The following SNX19 variants were observed in gnomAD, a reference collection of about 807,000 sequenced individuals.
SNX19 encodes the protein sorting nexin-19.
A neutral mutation model predicts 85.2 loss-of-function variants in SNX19; 60 were observed. The observed-to-expected ratio is 0.70, with a 90% CI of 0.57 to 0.87. The LOEUF (loss-of-function observed/expected upper bound fraction) is 0.87, where lower values mean the gene tolerates loss of function less well. Ranked by LOEUF, SNX19 falls within the 40% of genes least tolerant of loss-of-function variation. The pLI is 0.00. For missense variants in SNX19, 1,201 were observed against 1,217.8 expected, an observed-to-expected ratio of 0.99 and a Z score of 0.21; for synonymous variants, 520 against 470.0, an observed-to-expected ratio of 1.11 and a Z score of -1.38.
At chr11:130,879,536 T>C (rs1943503889) in intron 10 of SNX19, 88 bp downstream of exon 10, 3 of 1,127,750 alleles carry the variant, frequency 2.7e-6, no homozygotes, top group Non-Finnish European at 4.0e-6. Flanking sequence ...CTTTGGAATG[T>C]GGGCTTTTCA....
At chr11:130,909,869 G>C in intron 4 of SNX19, 149 bp downstream of exon 4, 1 of 1,056,376 alleles carries the variant, frequency 9.5e-7, no homozygotes, top group Non-Finnish European at 1.4e-6. Flanking sequence ...AACAGGTCTT[G>C]ACAATTTAAG....
chr11:130,879,742 T>A, intron 9 of SNX19, 31 bp from the exon 10 acceptor site: 1 of 1,592,840 alleles, frequency 6.3e-7, no homozygotes, highest in Non-Finnish European at 8.6e-7. Context: ...GGAATTTGCG[T>A]GTTATCACTG....
At chr11:130,903,955 T>C (rs1226103069) in intron 7 of SNX19, among the ~76,000 whole-genome samples, 3 of 152,022 alleles carry the variant, frequency 2.0e-5, no homozygotes, top group Admixed American at 6.6e-5. Context: ...TTCACTTTCC[T>C]GAAAAACCTC....
At chr11:130,892,092 C>T (rs1404084223) in intron 8 of SNX19, among the ~76,000 whole-genome samples, 1 of 151,300 alleles carries the variant, frequency 6.6e-6, no homozygotes, top group Non-Finnish European at 1.5e-5. Flanking sequence ...GATCCACCCA[C>T]CTTGGCCTCC....
Position 130,906,691 on chromosome 11 carries a change from AAT to A in SNX19, c.2194_2195del (p.Ile732PhefsTer8). On this transcript the variant is annotated frameshift_variant, in exon 6 of 11. Coordinates refer to ENST00000265909, the MANE Select transcript of SNX19 (RefSeq NM_014758.3). LOFTEE classifies it high-confidence loss of function. ...CTTCAGTCACACTTAGTGCTGGAGA[AAT>A]TTTACTGGATGAGAACCTCAGCCTA... Reference protein sequence around the residue: ...KSRLRFSSSKISPALSVTEAQ... With the variant: ...KSRLRFSSSKXSPALSVTEAQ... The A allele has an allele frequency of 6.2e-7, 1 of 1,613,046 alleles. No individual in the cohort carries two copies. Among genetic ancestry groups the A allele is most frequent in the Non-Finnish European group, 8.5e-7 (1 of 1,179,174 alleles).
rs1943146223 is a variant in SNX19 at position 130,874,481 on chromosome 11, T to G, written c.*3941A>C. Among the ~76,000 whole-genome samples, 1 of 152,204 alleles carries G rather than the reference T, an allele frequency of 6.6e-6. No homozygotes were observed. The highest frequency in any genetic ancestry group is 1.5e-5 in the Non-Finnish European group (1 of 68,038). On this transcript the variant is annotated 3_prime_UTR_variant, in exon 11 of 11. Transcript: ENST00000265909. ...AGGCAGTCTGAGAGCACAGCTGACC[T>G]AATTAGAATGGCAAGGAAGAAAGAT...
intron 8 of SNX19, chr11:130,894,692 C>T (rs1944750608): frequency 1.0e-6 from 1 of 985,422 alleles, no homozygotes; most frequent in Admixed American, 6.1e-5. Context: ...ATAAAAGCAA[C>T]ACACATTCAG....
At position 130,876,605 on chromosome 11, in the gene SNX19, T is replaced by A. The variant is rs79582957; in HGVS notation, c.*1817A>T. The A allele has an allele frequency of 1.1e-4, 1 of 8,838 alleles. No individual in the cohort carries two copies. Among genetic ancestry groups the A allele is most frequent in the Admixed American group, 8.6e-4 (1 of 1,164 alleles). The allele number at this position is 8,838 out of a possible 1,614,324, so 0.5% of individuals were successfully genotyped here. ...TGGCTAAGTACACATGAGGGGAAGG[T>A]AGGTATGGGGAGAGAAAAGTGGCAT... is the stretch of plus-strand genomic sequence containing the variant. On this transcript the variant is annotated 3_prime_UTR_variant, in exon 11 of 11. Coordinates refer to ENST00000265909, the MANE Select transcript of SNX19 (RefSeq NM_014758.3).
intron 8 of SNX19, chr11:130,893,734 G>C (rs1189057871): frequency 2.9e-6 from 2 of 691,846 alleles, no homozygotes; most frequent in African/African-American, 3.5e-5. Context: ...AAACCTGGGG[G>C]AGAGAGGAGG....
rs750093549 is a variant in SNX19 at position 130,903,304 on chromosome 11, C to T, written c.2524G>A (p.Glu842Lys). The change falls in exon 8 of 11, where the codon GAA (glutamate) becomes AAA (lysine). Residue 842 changes from glutamate (E) to lysine (K), a missense_variant. Glu to Lys is a moderately conservative substitution (Grantham distance 56). Coordinates refer to ENST00000265909, the MANE Select transcript of SNX19 (RefSeq NM_014758.3). ...AGACGAAGAAACTTTTGCATGTTTT[C>T]GGTACATAGCCATTTCCACTGTTCT... ...LTEQWKWLCT[E>K]NMQKFLRLIF... 57 of 1,613,790 alleles carry T rather than the reference C, an allele frequency of 3.5e-5. No individual in the cohort carries two copies. The highest frequency in any genetic ancestry group is 1.6e-4 in the East Asian group (7 of 44,884).
rs966369775 is a variant in SNX19, at chr11:130,877,314, T to C, written c.*1108A>G. 4 of 152,374 alleles carry C rather than the reference T, an allele frequency of 2.6e-5. No individual in the cohort carries two copies. In the South Asian group the frequency reaches 8.3e-4, roughly 32 times the overall value. The allele number at this position is 152,374 out of a possible 1,614,324, so 9.4% of individuals were successfully genotyped here. On this transcript the variant is annotated 3_prime_UTR_variant, in exon 11 of 11. Transcript: ENST00000265909. The stretch of plus-strand genomic sequence containing the variant: ...ATTCCCAGTTGCCTTGCCTTTCTAA[T>C]AGATGTTGCAGTCTGACAAAACACC...
Position 130,912,151 on chromosome 11 carries a change from T to C in SNX19, c.1675-380A>G, listed in dbSNP as rs560245519. Among the ~76,000 whole-genome samples, 79 of 152,362 alleles carry C rather than the reference T, an allele frequency of 5.2e-4. No homozygotes were observed. The South Asian group carries it at 0.016, about 31-fold the overall frequency. On this transcript the variant is annotated intron_variant, in intron 1 of 10. Coordinates refer to ENST00000265909, the MANE Select transcript of SNX19 (RefSeq NM_014758.3). ...TCATAAGGGGCAAACCATTTTTCCATTATACTCTCCCGTGATTATTTATAT... is the reference window on the plus strand; with the variant it reads ...TCATAAGGGGCAAACCATTTTTCCACTATACTCTCCCGTGATTATTTATAT...
Position 130,903,375 on chromosome 11 carries a change from GTC to G in SNX19, c.2451_2452del (p.Glu817AspfsTer5). ...ATCCAGGGCTGTGTCAGCTAACTCT[GTC>G]TCTGTTCCTGAGGGATAAAATGGCA... On this transcript the variant is annotated frameshift_variant, in exon 8 of 11. Coordinates refer to ENST00000265909, the MANE Select transcript of SNX19 (RefSeq NM_014758.3). LOFTEE classifies it high-confidence loss of function. 1 of 1,612,340 alleles carries G rather than the reference GTC, an allele frequency of 6.2e-7. No individual in the cohort carries two copies. The highest frequency in any genetic ancestry group is 8.5e-7 in the Non-Finnish European group (1 of 1,179,800).
chr11:130,903,719 AC>A (rs1945438681), intron 7 of SNX19, among the ~76,000 whole-genome samples: 1 of 37,814 alleles, frequency 2.6e-5, no homozygotes, highest in Admixed American at 3.7e-4. Context: ...ATACACATAC[AC>A]ACACACACAC....
At chr11:130,911,275 T>C (rs1173369954) in intron 2 of SNX19, among the ~76,000 whole-genome samples, 1 of 151,104 alleles carries the variant, frequency 6.6e-6, no homozygotes, top group Non-Finnish European at 1.5e-5. Flanking sequence ...GGAAAGAAGG[T>C]GGCAACAACT....
In SNX19 at chr11:130,876,209, T is replaced by A. The variant is rs188456584; in HGVS notation, c.*2213A>T. On this transcript the variant is annotated 3_prime_UTR_variant, in exon 11 of 11. Transcript: ENST00000265909. ...AGGCCCAATTCTTCCCTGCCTTTTA[T>A]CACCCTGTCAGCTGGGAGTATCTTT... 2 of 149,464 alleles carry A rather than the reference T, an allele frequency of 1.3e-5. No homozygotes were observed. Among genetic ancestry groups the A allele is most frequent in the Admixed American group, 6.8e-5 (1 of 14,758 alleles). 9.3% of individuals were successfully genotyped at this position (149,464 alleles called of 1,614,324 possible). A position where few individuals can be genotyped will look rare whatever the true frequency, so the allele number is the denominator to read the frequency against.
At position 130,871,136 on chromosome 11, in the gene SNX19, T is replaced by C. The variant is rs536980403; in HGVS notation, c.*7286A>G. On this transcript the variant is annotated 3_prime_UTR_variant, in exon 11 of 11. Coordinates refer to ENST00000265909, the MANE Select transcript of SNX19 (RefSeq NM_014758.3). ...ATGAAAGCAGGAAGGAACATGCTGG[T>C]TTGGGCAGAATAAAAAATCCCTAGA... Among the ~76,000 whole-genome samples the C allele has an allele frequency of 1.3e-5, 2 of 152,228 alleles. No individual in the cohort carries two copies. The highest frequency in any genetic ancestry group is 4.8e-5 in the African/African-American group (2 of 41,538).
chr11:130,896,840 G>C (rs1944906926), intron 8 of SNX19, among the ~76,000 whole-genome samples: 1 of 151,958 alleles, frequency 6.6e-6, no homozygotes, highest in Non-Finnish European at 1.5e-5. Flanking sequence ...GGCAGACCTG[G>C]AGGTTCTCTT....
At chr11:130,883,624 TG>T (rs922520765) in intron 8 of SNX19, among the ~76,000 whole-genome samples, 3 of 152,222 alleles carry the variant, frequency 2.0e-5, no homozygotes, top group Admixed American at 2.0e-4. Context: ...TTTAAACATT[TG>T]CTCTCTTTCC....
Sources: allele counts gnomAD v4.1 joint callset (sites outside exome capture counted in the v4.1 genomes callset), GRCh38; gene constraint gnomAD v4.1.1; transcripts MANE v1.5; gene names NCBI Gene and HGNC (gene_info 2026-07-23, HGNC 2026-07-21).